The following WIPF1 variants were observed in gnomAD, a reference collection of about 807,000 sequenced individuals.
WIPF1 encodes the protein WAS/WASL-interacting protein family member 1.
In WIPF1, 13 loss-of-function variants were observed where a neutral mutation model predicts 35.4. The ratio of observed to expected loss-of-function variants is 0.37; its 90% confidence interval spans 0.24 to 0.58. WIPF1 has a LOEUF of 0.58. Among genes scored for constraint, WIPF1 ranks in the 20% least tolerant of loss-of-function variants. The probability of loss-of-function intolerance (pLI) is 0.74; values close to 1 mark genes in which losing one functional copy is unlikely to be tolerated. For synonymous variants in WIPF1, 267 were observed against 266.3 expected (o/e 1.00, Z -0.02); for missense variants, 591 against 667.0 (o/e 0.89, Z 1.25).
intron 1 of WIPF1, among the ~76,000 whole-genome samples, chr2:174,677,857 A>G (rs571939344): frequency 4.6e-5 from 7 of 152,370 alleles, no homozygotes; most frequent in African/African-American, 1.4e-4. Flanking sequence ...AAAGTAGTGC[A>G]TAATAAGGCT....
intron 1 of WIPF1, among the ~76,000 whole-genome samples, chr2:174,677,644 C>T (rs1012070838): frequency 2.6e-5 from 4 of 152,156 alleles, no homozygotes; most frequent in Admixed American, 6.5e-5. Context: ...AATTGTGTCT[C>T]CTGTTAATTT....
intron 1 of WIPF1, among the ~76,000 whole-genome samples, chr2:174,627,461 CTTTCTCTT>C (rs1339650245): frequency 1.4e-5 from 2 of 146,724 alleles, no homozygotes; most frequent in African/African-American, 5.2e-5. Context: ...TTCTTTCTTC[CTTTCTCTT>C]TCTTTCTCTC....
intron 3 of WIPF1, among the ~76,000 whole-genome samples, chr2:174,576,279 A>G (rs1457076647): frequency 6.6e-6 from 1 of 150,722 alleles, no homozygotes; most frequent in Non-Finnish European, 1.5e-5. Flanking sequence ...ATTGAGTTAT[A>G]CTTTTTCCCA....
In WIPF1 at chr2:174,630,286, A is replaced by C. The variant is rs1330029236; in HGVS notation, c.-38-44675T>G. ...TTCATACCAGAAAATATCAAAACAA[A>C]GTCTGGTAAGTGTCTAGCTAGTTAG... On this transcript the variant is annotated intron_variant, in intron 1 of 8. Transcript: ENST00000272746. The C allele has an allele frequency of 3.3e-5, 5 of 152,364 alleles. No individual in the cohort carries two copies. In the East Asian group the frequency reaches 9.6e-4, roughly 29 times the overall value. 9.4% of individuals were successfully genotyped at this position (152,364 alleles called of 1,614,324 possible).
intron 1 of WIPF1, among the ~76,000 whole-genome samples, chr2:174,632,248 C>G (rs986438282): frequency 1.3e-5 from 2 of 152,154 alleles, no homozygotes; most frequent in African/African-American, 4.8e-5. Flanking sequence ...ACCTGGGGAT[C>G]AGAGGTTTTG....
rs1684716407 is a variant in WIPF1 at position 174,568,003 on chromosome 2, C to T, written c.1200G>A (p.Gln400=). The part of the protein sequence containing the change: ...STSRALPATP[Q]LPSRSGVDSP... ...TGTCTACTCCACTCCTGGATGGCAA[C>T]TGAGGGGTAGCAGGCAGGGCCCGAG... The change falls in exon 6 of 8, where the codon CAG becomes CAA. Residue 400 remains glutamine (Q), a synonymous_variant. Transcript: ENST00000679041. The T allele has an allele frequency of 6.2e-7, 1 of 1,614,014 alleles. No individual in the cohort carries two copies. The highest frequency in any genetic ancestry group is 8.5e-7 in the Non-Finnish European group (1 of 1,180,034).
chr2:174,663,704 A>T (rs1176056020), intron 1 of WIPF1, among the ~76,000 whole-genome samples: 2 of 152,250 alleles, frequency 1.3e-5, no homozygotes, highest in Non-Finnish European at 2.9e-5. Flanking sequence ...ACACGCATGC[A>T]GGTTTTTTAT....
intron 1 of WIPF1, among the ~76,000 whole-genome samples, chr2:174,608,872 G>A (rs1212270308): frequency 6.6e-6 from 1 of 152,194 alleles, no homozygotes; most frequent in African/African-American, 2.4e-5. Context: ...AGTATCACCT[G>A]CTGGAGGACA....
intron 1 of WIPF1, among the ~76,000 whole-genome samples, chr2:174,609,117 T>A (rs1383592811): frequency 6.6e-6 from 1 of 152,120 alleles, no homozygotes; most frequent in Non-Finnish European, 1.5e-5. Flanking sequence ...CATTTGTGAG[T>A]GCCATAAGAA....
chr2:174,581,502 C>T (rs543878174), intron 2 of WIPF1, 63 bp from the exon 3 acceptor site: 13 of 1,577,084 alleles, frequency 8.2e-6, no homozygotes, highest in Admixed American at 7.2e-5. Context: ...TTGTAACACT[C>T]GGCTGGGAAA....
At chr2:174,620,376 G>A (rs1178749811) in intron 1 of WIPF1, among the ~76,000 whole-genome samples, 1 of 152,138 alleles carries the variant, frequency 6.6e-6, no homozygotes, top group African/African-American at 2.4e-5. Context: ...CATTGTTACC[G>A]GGGTGAAAGT....
At chr2:174,615,883 T>G (rs1436181355) in intron 1 of WIPF1, among the ~76,000 whole-genome samples, 1 of 152,212 alleles carries the variant, frequency 6.6e-6, no homozygotes, top group African/African-American at 2.4e-5. Flanking sequence ...TGAGCTCAGA[T>G]GACAGCCCAC....
intron 4 of WIPF1, among the ~76,000 whole-genome samples, chr2:174,573,293 C>A (rs942543894): frequency 6.8e-6 from 1 of 147,374 alleles, no homozygotes; most frequent in African/African-American, 2.5e-5. Flanking sequence ...AAAAATCTAC[C>A]CATTTATGAG....
chr2:174,665,768 C>A, intron 1 of WIPF1: 1 of 152,196 alleles, frequency 6.6e-6, no homozygotes, highest in East Asian at 1.9e-4. Flanking sequence ...TACTGTAGGT[C>A]ATAACCAAAA....
At chr2:174,591,673 TACACACACACAC>T (rs71407131) in intron 1 of WIPF1, among the ~76,000 whole-genome samples, 1 of 146,724 alleles carries the variant, frequency 6.8e-6, no homozygotes, top group Non-Finnish European at 1.5e-5. Context: ...CTTTGTTGCT[TACACACACACAC>T]ACACACACAC....
chr2:174,613,691 A>G (rs1020917694), intron 1 of WIPF1, among the ~76,000 whole-genome samples: 1 of 152,206 alleles, frequency 6.6e-6, no homozygotes, highest in Non-Finnish European at 1.5e-5. Context: ...GCTACTTGGT[A>G]AAAGAGGAAA....
At chr2:174,602,594 T>C (rs1574827376), upstream of WIPF1, among the ~76,000 whole-genome samples, 1 of 152,334 alleles carries the variant, frequency 6.6e-6, no homozygotes, top group East Asian at 1.9e-4. Flanking sequence ...GAATCTATTT[T>C]CAAAATGTTA....
intron 1 of WIPF1, among the ~76,000 whole-genome samples, chr2:174,657,568 C>T (rs1056196534): frequency 7.2e-5 from 11 of 152,138 alleles, no homozygotes; most frequent in Admixed American, 1.3e-4. Context: ...GAACTCCTTT[C>T]AAACATGGCT....
intron 1 of WIPF1, among the ~76,000 whole-genome samples, chr2:174,656,911 AC>A (rs1002754015): frequency 6.6e-6 from 1 of 152,216 alleles, no homozygotes; most frequent in African/African-American, 2.4e-5. Flanking sequence ...ACTAGTAAAA[AC>A]AAAATAGACA....
Sources: allele counts gnomAD v4.1 joint callset (sites outside exome capture counted in the v4.1 genomes callset), GRCh38; gene constraint gnomAD v4.1.1; transcripts MANE v1.5; gene names NCBI Gene and HGNC (gene_info 2026-07-23, HGNC 2026-07-21).